The following COL21A1 variants were observed in gnomAD, a reference collection of about 807,000 sequenced individuals.
COL21A1 encodes the protein collagen type XXI alpha 1 chain.
COL21A1 carries 149 observed loss-of-function variants against 137.9 expected under a neutral mutation model. The ratio of observed to expected loss-of-function variants is 1.08; its 90% CI spans 0.95 to 1.24. COL21A1 has a LOEUF of 1.24. COL21A1 is among the 50% of genes most tolerant of loss of function. The pLI, the probability that COL21A1 is intolerant of heterozygous loss-of-function variation, is 0.00. For synonymous variants in COL21A1, 456 were observed against 391.5 expected, an observed-to-expected ratio of 1.16 and a Z score of -1.95; for missense variants, 1,167 against 1,158.4, an observed-to-expected ratio of 1.01 and a Z score of -0.11.
At chr6:56,077,851 T>C (rs1767382615) in intron 17 of COL21A1, 1 of 393,136 alleles carries the variant, frequency 2.5e-6, no homozygotes, top group Non-Finnish European at 4.7e-6. Context: ...AACACATGAG[T>C]GATAAAATTA....
At chr6:56,329,517 C>A (rs1449799293) in intron 1 of COL21A1, among the ~76,000 whole-genome samples, 1 of 152,042 alleles carries the variant, frequency 6.6e-6, no homozygotes, top group East Asian at 1.9e-4. Context: ...TGCATTTTCT[C>A]CCCTCTTTAC....
chr6:56,101,628 C>A, intron 16 of COL21A1, 103 bp from the exon 17 acceptor site: 1 of 793,664 alleles, frequency 1.3e-6, no homozygotes, highest in Admixed American at 3.0e-5. Flanking sequence ...TAAATACAAA[C>A]AGAAAAATTA....
chr6:56,149,824 A>G (rs930098789), intron 10 of COL21A1, among the ~76,000 whole-genome samples: 1 of 152,176 alleles, frequency 6.6e-6, no homozygotes, highest in East Asian at 1.9e-4. Context: ...GGATTGTTAC[A>G]AGAGCCTCCT....
intron 20 of COL21A1, among the ~76,000 whole-genome samples, chr6:56,073,425 G>C (rs1766935313): frequency 6.6e-6 from 1 of 151,218 alleles, no homozygotes; most frequent in African/African-American, 2.4e-5. Context: ...AAATACTTTA[G>C]AAATTAAAAG....
chr6:56,273,263 T>TA (rs927891649), intron 1 of COL21A1, among the ~76,000 whole-genome samples: 12 of 152,164 alleles, frequency 7.9e-5, no homozygotes, highest in African/African-American at 2.4e-4. Flanking sequence ...TTCATAGTGC[T>TA]AAACACCTTC....
At chr6:56,257,848 C>A (rs1293911994) in intron 1 of COL21A1, among the ~76,000 whole-genome samples, 2 of 151,538 alleles carry the variant, frequency 1.3e-5, no homozygotes, top group Non-Finnish European at 2.9e-5. Context: ...AACAGGTGGC[C>A]GGTCAGATTT....
chr6:56,285,965 C>A (rs1395373902), intron 1 of COL21A1, among the ~76,000 whole-genome samples: 1 of 151,652 alleles, frequency 6.6e-6, no homozygotes. Flanking sequence ...TTTTTTTTGC[C>A]TTTCCCTAAG....
intron 14 of COL21A1, 81 bp downstream of exon 14, chr6:56,125,486 G>A (rs1413912433): frequency 2.1e-6 from 2 of 944,258 alleles, no homozygotes; most frequent in African/African-American, 1.6e-5. Flanking sequence ...CTAATGCTGG[G>A]TTAGAACTGC....
Position 56,130,185 on chromosome 6 carries a change from AT to A in COL21A1, c.1543-4037del, listed in dbSNP as rs1561898381. 2.1e-4 allele frequency among the ~76,000 whole-genome samples: 3 copies of A among 14,608 alleles called. No homozygotes were observed. In the East Asian group the frequency reaches 0.022, roughly 107 times the overall value. The allele number at this position is 14,608 out of a possible 152,430, so 9.6% of individuals were successfully genotyped here. On this transcript the variant is annotated intron_variant, in intron 12 of 29. Transcript: ENST00000244728. ...GGGTTTTATATATATATATATATAT[AT>A]ATATATATATATATATATATATATA...
intron 10 of COL21A1, among the ~76,000 whole-genome samples, chr6:56,156,151 AAT>A (rs1443218488): frequency 1.3e-5 from 2 of 152,220 alleles, no homozygotes; most frequent in African/African-American, 2.4e-5. Context: ...GAGAAAAGAC[AAT>A]AGAATTTCTA....
At chr6:56,315,144 T>C (rs1764702972) in intron 1 of COL21A1, among the ~76,000 whole-genome samples, 1 of 152,250 alleles carries the variant, frequency 6.6e-6, no homozygotes, top group Non-Finnish European at 1.5e-5. Context: ...TTCATCCAGA[T>C]GTCTGATTGT....
At chr6:56,328,275 T>C (rs1765142498) in intron 1 of COL21A1, among the ~76,000 whole-genome samples, 1 of 152,114 alleles carries the variant, frequency 6.6e-6, no homozygotes, top group Non-Finnish European at 1.5e-5. Flanking sequence ...AAATATATTT[T>C]AATAGTCTGT....
At chr6:56,179,419 A>G (rs997660370) in intron 3 of COL21A1, among the ~76,000 whole-genome samples, 159 bp downstream of exon 3, 2 of 152,222 alleles carry the variant, frequency 1.3e-5, no homozygotes, top group Non-Finnish European at 1.5e-5. Flanking sequence ...TTATGCTCAC[A>G]GTATAAATAT....
At chr6:56,371,231 TCTG>T (rs955025295) in intron 1 of COL21A1, among the ~76,000 whole-genome samples, 1 of 152,242 alleles carries the variant, frequency 6.6e-6, no homozygotes, top group African/African-American at 2.4e-5. Flanking sequence ...TTCTTCAGCA[TCTG>T]CTATTTATTC....
chr6:56,148,469 T>A (rs1775027149), intron 10 of COL21A1, among the ~76,000 whole-genome samples: 1 of 152,048 alleles, frequency 6.6e-6, no homozygotes, highest in African/African-American at 2.4e-5. Flanking sequence ...TTCATATACT[T>A]TGTAAGTAAG....
intron 16 of COL21A1, among the ~76,000 whole-genome samples, chr6:56,111,554 T>C (rs1280490673): frequency 6.6e-6 from 1 of 152,040 alleles, no homozygotes; most frequent in African/African-American, 2.4e-5. Context: ...TTTTCTGCAA[T>C]CTACAATTAT....
rs112865102 is a variant in COL21A1 at position 56,119,512 on chromosome 6, C to T, written c.1758+4550G>A. Among the ~76,000 whole-genome samples, 115 of 152,054 alleles carry T rather than the reference C, an allele frequency of 7.6e-4. 1 individual carries two copies. Among genetic ancestry groups the T allele is most frequent in the Non-Finnish European group, 1.9e-4 (13 of 67,982 alleles). On this transcript the variant is annotated intron_variant, in intron 16 of 29. Transcript: ENST00000244728. The stretch of plus-strand genomic sequence containing the variant: ...GGAATTTACAGATTCAATGAACTTC[C>T]TATCAAAATACCAATGACATTCTTC...
At chr6:56,178,824 T>C (rs1777681575) in intron 3 of COL21A1, among the ~76,000 whole-genome samples, 1 of 152,142 alleles carries the variant, frequency 6.6e-6, no homozygotes, top group African/African-American at 2.4e-5. Flanking sequence ...TTTCAAATGT[T>C]CTGTGAAAGG....
At chr6:56,284,767 A>T (rs1763865209) in intron 1 of COL21A1, among the ~76,000 whole-genome samples, 1 of 152,154 alleles carries the variant, frequency 6.6e-6, no homozygotes, top group African/African-American at 2.4e-5. Flanking sequence ...CCTGTCTAGA[A>T]GGTTCATCTT....
Sources: allele counts gnomAD v4.1 joint callset (sites outside exome capture counted in the v4.1 genomes callset), GRCh38; gene constraint gnomAD v4.1.1; transcripts MANE v1.5; gene names NCBI Gene and HGNC (gene_info 2026-07-23, HGNC 2026-07-21).